PIP: variants seen among roughly 807,000 people sequenced by gnomAD.
PIP encodes the protein prolactin induced protein, also known as prolactin-inducible protein.
In PIP, 9 loss-of-function variants were observed where a neutral mutation model predicts 12.8. That is an observed-to-expected ratio of 0.70 (90% CI 0.42 to 1.23). The LOEUF (loss-of-function observed/expected upper bound fraction) is 1.23. PIP is among the 50% of genes most tolerant of loss of function. The pLI is 0.00. For synonymous variants in PIP, 60 were observed against 66.1 expected (o/e 0.91, Z 0.45); for missense variants, 172 against 179.5 (o/e 0.96, Z 0.24).
intron 2 of PIP, among the ~76,000 whole-genome samples, chr7:143,136,064 G>C (rs1173748126): frequency 6.6e-6 from 1 of 152,024 alleles, no homozygotes; most frequent in Non-Finnish European, 1.5e-5. Flanking sequence ...CTTGGGATTA[G>C]AGCATTATCC....
At chr7:143,137,007 T>C (rs1268843761) in intron 2 of PIP, among the ~76,000 whole-genome samples, 1 of 151,830 alleles carries the variant, frequency 6.6e-6, no homozygotes, top group Non-Finnish European at 1.5e-5. Flanking sequence ...ATTCTTACCA[T>C]CTAATCCTCA....
chr7:143,136,414 G>A (rs1053787298), intron 2 of PIP, among the ~76,000 whole-genome samples: 1 of 152,022 alleles, frequency 6.6e-6, no homozygotes, highest in African/African-American at 2.4e-5. Context: ...TCAGTCAACT[G>A]CATTCTAGAA....
At position 143,139,676 on chromosome 7, in the gene PIP, T is replaced by C; in HGVS notation, c.*34T>C. Reference sequence around the variant, plus strand: ...CTGTCTGTTTGCCACACCCAGGTGATTTCCTCTAAAGAAACTTGGCTGGAA... The same window carrying C: ...CTGTCTGTTTGCCACACCCAGGTGACTTCCTCTAAAGAAACTTGGCTGGAA... On this transcript the variant is annotated 3_prime_UTR_variant, in exon 4 of 4. Transcript: ENST00000291009. 6.3e-7 allele frequency: 1 copy of C among 1,584,584 alleles called. No homozygotes were observed. The highest frequency in any genetic ancestry group is 8.6e-7 in the Non-Finnish European group (1 of 1,157,162).
chr7:143,135,910 G>T (rs1799304950), intron 2 of PIP, among the ~76,000 whole-genome samples: 1 of 151,976 alleles, frequency 6.6e-6, no homozygotes, highest in African/African-American at 2.4e-5. Flanking sequence ...TTTTCAAATG[G>T]TAATGTGTCT....
At chr7:143,138,845 T>C (rs959278872) in intron 2 of PIP, among the ~76,000 whole-genome samples, 2 of 152,120 alleles carry the variant, frequency 1.3e-5, no homozygotes, top group Non-Finnish European at 2.9e-5. Flanking sequence ...CCCTATCTCC[T>C]CCTGAGCTTC....
chr7:143,132,740 C>A (rs914069474), intron 1 of PIP, among the ~76,000 whole-genome samples: 1 of 152,090 alleles, frequency 6.6e-6, no homozygotes, highest in African/African-American at 2.4e-5. Context: ...AATATGATGA[C>A]CTCTTGCTCT....
At chr7:143,138,920 C>A (rs926296115) in intron 2 of PIP, among the ~76,000 whole-genome samples, 155 bp from the exon 3 acceptor site, 9 of 152,100 alleles carry the variant, frequency 5.9e-5, no homozygotes, top group African/African-American at 2.2e-4. Context: ...TAGACTTTGG[C>A]TCCTGAAATG....
At chr7:143,135,330 A>C (rs755299536) in intron 2 of PIP, 31 bp downstream of exon 2, 7 of 960,408 alleles carry the variant, frequency 7.3e-6, no homozygotes, top group South Asian at 6.6e-5. Flanking sequence ...GTGACTTCAA[A>C]AGATAATTCA....
intron 2 of PIP, among the ~76,000 whole-genome samples, chr7:143,138,247 G>T (rs2116572209): frequency 6.6e-6 from 1 of 152,186 alleles, no homozygotes; most frequent in South Asian, 2.1e-4. Context: ...TGGCACTGTG[G>T]TTCCTTGATG....
chr7:143,139,065 T>C lies in PIP; in HGVS notation c.202-10T>C, dbSNP rs1799338624. ...ACAATGAATTCCCCCTCCCACCTTC[T>C]CCTCACCAGGTTAAAACTTACCTCA... On this transcript the variant is annotated splice_polypyrimidine_tract_variant and intron_variant, in intron 2 of 3. Coordinates refer to ENST00000291009, the MANE Select transcript of PIP (RefSeq NM_002652.3). 1.5e-6 allele frequency: 2 copies of C among 1,293,868 alleles called. No homozygotes were observed. The highest frequency in any genetic ancestry group is 3.0e-5 in the African/African-American group (2 of 66,188). The allele number at this position is 1,293,868 out of a possible 1,614,324, so 80.1% of individuals were successfully genotyped here.
chr7:143,135,345 C>G (rs1403333094), intron 2 of PIP, 46 bp downstream of exon 2: 2 of 826,994 alleles, frequency 2.4e-6, no homozygotes, highest in Non-Finnish European at 4.2e-6. Context: ...AATTCAACTC[C>G]TTGATTATAA....
rs190194356 is a variant in PIP at position 143,136,461 on chromosome 7, T to C, written c.201+1162T>C. Among the ~76,000 whole-genome samples the C allele has an allele frequency of 5.0e-4, 76 of 152,222 alleles. 2 individuals carry two copies. Among genetic ancestry groups the C allele is most frequent in the Middle Eastern group, 3.4e-3 (1 of 294 alleles). ...CCTGTAAAGAAAAATTCCTGGTCAA[T>C]GAGCAAAGAATATCACAGCTGCTTT... On this transcript the variant is annotated intron_variant, in intron 2 of 3. Transcript: ENST00000291009.
intron 1 of PIP, among the ~76,000 whole-genome samples, chr7:143,133,604 C>G (rs995586803): frequency 3.3e-5 from 5 of 152,012 alleles, no homozygotes; most frequent in African/African-American, 1.2e-4. Context: ...TTATTTGTCT[C>G]CATTTCCTTT....
chr7:143,139,438 G>T, intron 3 of PIP, 80 bp from the exon 4 acceptor site: 1 of 1,540,312 alleles, frequency 6.5e-7, no homozygotes, highest in East Asian at 2.3e-5. Flanking sequence ...AACCCCAGGG[G>T]GCAGATGCCT....
intron 3 of PIP, 142 bp from the exon 4 acceptor site, chr7:143,139,376 A>G (rs1799344865): frequency 2.9e-6 from 3 of 1,034,494 alleles, no homozygotes; most frequent in Non-Finnish European, 4.3e-6. Flanking sequence ...AGAGGCATTG[A>G]GTGCAAAAAG....
rs190544793 is a variant in PIP, at chr7:143,139,427, G to A, written c.317-91G>A. 5.3e-5 allele frequency: 80 copies of A among 1,505,482 alleles called. No individual in the cohort carries two copies. In the East Asian group the frequency reaches 1.7e-3, roughly 32 times the overall value. The allele number at this position is 1,505,482 out of a possible 1,614,324, so 93.3% of individuals were successfully genotyped here. A position where few individuals can be genotyped will look rare whatever the true frequency, so the allele number is the denominator to read the frequency against. On this transcript the variant is annotated intron_variant, in intron 3 of 3. Coordinates refer to ENST00000291009, the MANE Select transcript of PIP (RefSeq NM_002652.3). ...AATTTGCAAAGGATTTGGGGAAACTGAACCCCAGGGGGCAGATGCCTGATA... is the reference window on the plus strand; with the variant it reads ...AATTTGCAAAGGATTTGGGGAAACTAAACCCCAGGGGGCAGATGCCTGATA...
rs187404279 is a variant in PIP, at chr7:143,136,550, A to G, written c.201+1251A>G. On this transcript the variant is annotated intron_variant, in intron 2 of 3. Coordinates refer to ENST00000291009, the MANE Select transcript of PIP (RefSeq NM_002652.3). Reference sequence around the variant, plus strand: ...TGTACACTAATTTGGGGTAGGAGCAAGGCTGAATCATAATTTTTCAACTCT... The same window carrying G: ...TGTACACTAATTTGGGGTAGGAGCAGGGCTGAATCATAATTTTTCAACTCT... Among the ~76,000 whole-genome samples the G allele has an allele frequency of 3.9e-5, 6 of 152,188 alleles. No homozygotes were observed. The East Asian group carries it at 1.2e-3, about 29-fold the overall frequency.
chr7:143,134,233 T>TATATATAC (rs1277832613), intron 1 of PIP, among the ~76,000 whole-genome samples: 1 of 86,374 alleles, frequency 1.2e-5, no homozygotes, highest in East Asian at 3.3e-4. Flanking sequence ...TATATATATA[T>TATATATAC]ACCACAGTTT....
intron 2 of PIP, among the ~76,000 whole-genome samples, chr7:143,138,635 G>T (rs937756454): frequency 2.0e-5 from 3 of 152,208 alleles, no homozygotes; most frequent in Non-Finnish European, 4.4e-5. Flanking sequence ...GCACAGATGG[G>T]GCTTGGTCAC....
Sources: gnomAD v4.1 joint callset for allele counts (sites outside exome capture counted in the v4.1 genomes callset) on GRCh38, gnomAD v4.1.1 for gene constraint, MANE v1.5 for transcripts, NCBI Gene and HGNC (gene_info 2026-07-23, HGNC 2026-07-21) for gene names.